The following VPS9D1 variants were observed in gnomAD, a reference collection of about 807,000 sequenced individuals.
The protein encoded by VPS9D1 is VPS9 domain-containing protein 1.
VPS9D1 carries 78 observed loss-of-function variants against 75.8 expected under a neutral mutation model. The ratio of observed to expected loss-of-function variants is 1.03; its 90% CI spans 0.86 to 1.24. The LOEUF (loss-of-function observed/expected upper bound fraction) is 1.24, where lower values mean the gene tolerates loss of function less well. VPS9D1 is among the 50% of genes most tolerant of loss of function. VPS9D1 has a pLI of 0.00. For synonymous variants in VPS9D1, 481 were observed against 385.6 expected (o/e 1.25, Z -2.90); for missense variants, 1,057 against 847.7 (o/e 1.25, Z -3.07).
chr16:89,714,621 C>G (rs1484806076), intron 4 of VPS9D1, among the ~76,000 whole-genome samples: 2 of 152,250 alleles, frequency 1.3e-5, no homozygotes, highest in African/African-American at 4.8e-5. Context: ...GTGGACCCTT[C>G]TCGTCTCTCC....
At chr16:89,719,298 G>A (rs1376651131) in intron 1 of VPS9D1, 196 bp from the exon 2 acceptor site, 14 of 648,834 alleles carry the variant, frequency 2.2e-5, no homozygotes, top group Admixed American at 4.1e-5. Flanking sequence ...AGGCAGCATC[G>A]CTGCTCTCCA....
Position 89,712,635 on chromosome 16 carries a change from G to A in VPS9D1, c.513C>T (p.Asp171=). ...ATGTCTTCTGCATGGCCTGGCTGGG[G>A]TCTAGCCGCGCCATTCGGGCCTCAT... ...AAYEARMARL[D]PSQAMQKTSL... is the part of the protein sequence containing the mutation. The change falls in exon 5 of 15, where the codon GAC becomes GAT. Residue 171 remains aspartate, a synonymous_variant. Coordinates refer to ENST00000389386, the MANE Select transcript of VPS9D1 (RefSeq NM_004913.3). 1.2e-6 allele frequency: 2 copies of A among 1,610,958 alleles called. No individual in the cohort carries two copies. The highest frequency in any genetic ancestry group is 1.7e-6 in the Non-Finnish European group (2 of 1,178,424).
rs773699966 is a variant in VPS9D1 at position 89,720,743 on chromosome 16, C to T, written c.99+20G>A. 6.3e-6 allele frequency: 9 copies of T among 1,432,508 alleles called. No homozygotes were observed. In the South Asian group the frequency reaches 9.8e-5, roughly 16 times the overall value. 88.7% of individuals were successfully genotyped at this position (1,432,508 alleles called of 1,614,324 possible). ...AGGGGCCACCCTCAGCGGCCAAGCC[C>T]CGCCCCCGCCCCGCCTCACCCGGGG... On this transcript the variant is annotated intron_variant, in intron 1 of 14. Transcript: ENST00000389386.
chr16:89,707,305 C>G lies in VPS9D1; in HGVS notation c.*556G>C, dbSNP rs2060818385. The G allele has an allele frequency of 6.5e-6, 1 of 153,576 alleles. No homozygotes were observed. Among genetic ancestry groups the G allele is most frequent in the South Asian group, 2.0e-4 (1 of 4,976 alleles). The allele number at this position is 153,576 out of a possible 1,614,324, so 9.5% of individuals were successfully genotyped here. A position where few individuals can be genotyped will look rare whatever the true frequency, so the allele number is the denominator to read the frequency against. On this transcript the variant is annotated 3_prime_UTR_variant, in exon 15 of 15. Transcript: ENST00000389386. ...AATGTCCTGGGCTCAGAGCCCGAGA[C>G]CCTGCAGGGGTGTCCCTGCCCATCA...
chr16:89,711,902 G>C lies in VPS9D1; in HGVS notation c.727C>G (p.Leu243Val). The change falls in exon 8 of 15, where the codon CTG becomes GTG. Residue 243 changes from leucine to valine, a missense_variant. Leu to Val is a conservative substitution (Grantham distance 32). Coordinates refer to ENST00000389386, the MANE Select transcript of VPS9D1 (RefSeq NM_004913.3). ...REQRALYAAI[L>V]EYEQDHDWPK... ...CGCACATGGTCCTGTTCGTACTCCA[G>C]GATGGCGGCGTAAAGGGCCCGCTGC... 6.4e-7 allele frequency: 1 copy of C among 1,551,342 alleles called. No individual in the cohort carries two copies. Among genetic ancestry groups the C allele is most frequent in the Non-Finnish European group, 8.7e-7 (1 of 1,147,040 alleles).
At chr16:89,708,800 C>T in intron 13 of VPS9D1, 57 bp downstream of exon 13, 2 of 1,479,910 alleles carry the variant, frequency 1.4e-6, no homozygotes, top group Non-Finnish European at 1.8e-6. Flanking sequence ...CCTCCCGTGA[C>T]CATTGCCTTT....
rs1423269144 is a variant in VPS9D1 at position 89,720,778 on chromosome 16, G to A, written c.84C>T (p.Thr28=). 19 of 1,455,292 alleles carry A rather than the reference G, an allele frequency of 1.3e-5. No homozygotes were observed. Among genetic ancestry groups the A allele is most frequent in the Non-Finnish European group, 1.7e-5 (19 of 1,100,260 alleles). 90.1% of individuals were successfully genotyped at this position (1,455,292 alleles called of 1,614,324 possible). ...KLANGAIELD[T]GNRPREAYTE... Reference sequence around the variant, plus strand: ...CCCGCCTCACCCGGGGCCGGTTGCCGGTGTCCAGCTCGATGGCCCCGTTGG... The same window carrying A: ...CCCGCCTCACCCGGGGCCGGTTGCCAGTGTCCAGCTCGATGGCCCCGTTGG... Residue 28 remains threonine (T), a synonymous_variant, in exon 1 of 15, where the codon ACC becomes ACT. Coordinates refer to ENST00000389386, the MANE Select transcript of VPS9D1 (RefSeq NM_004913.3).
chr16:89,718,719 CT>C (rs374301742), intron 2 of VPS9D1, among the ~76,000 whole-genome samples: 168 of 145,212 alleles, frequency 1.2e-3, no homozygotes, highest in Admixed American at 1.2e-3. Flanking sequence ...TTTTTCTTTT[CT>C]TTTTTTTTTT....
Position 89,707,936 on chromosome 16 carries a change from C to T in VPS9D1, c.1821G>A (p.Glu607=), listed in dbSNP as rs1255619567. The part of the protein sequence containing the change: ...FIHEGYLIGE[E]GYCLTSLQSA... Reference sequence around the variant, plus strand: ...TCTGCAGTGATGTGAGGCAGTAGCCCTCCTCTCCGATCAGGTACCTGCATG... The same window carrying T: ...TCTGCAGTGATGTGAGGCAGTAGCCTTCCTCTCCGATCAGGTACCTGCATG... Residue 607 remains glutamate, a synonymous_variant, in exon 15 of 15, where the codon GAG becomes GAA. Transcript: ENST00000389386. The T allele has an allele frequency of 1.9e-6, 3 of 1,613,018 alleles. No homozygotes were observed. Among genetic ancestry groups the T allele is most frequent in the Admixed American group, 1.7e-5 (1 of 60,014 alleles).
intron 1 of VPS9D1, 35 bp from the exon 2 acceptor site, chr16:89,719,137 C>T: frequency 1.2e-6 from 2 of 1,600,426 alleles, no homozygotes; most frequent in Non-Finnish European, 1.7e-6. Flanking sequence ...GGGGTCAGGC[C>T]AGTGGAGGGA....
In VPS9D1 at chr16:89,712,196, C is replaced by T. The variant is rs531742504; in HGVS notation, c.607-97G>A. ...GGAGAGGCCGGGACGTCCCAGGGAC[C>T]TCCTCTCGGTGAGGGGCTGTCCCCA... On this transcript the variant is annotated intron_variant, in intron 6 of 14. Transcript: ENST00000389386. The T allele has an allele frequency of 3.4e-4, 518 of 1,513,234 alleles. 1 individual carries two copies. The African/African-American group carries it at 6.5e-3, about 19-fold the overall frequency. 93.7% of individuals were successfully genotyped at this position (1,513,234 alleles called of 1,614,324 possible).
At chr16:89,710,339 A>C (rs1451254110) in intron 10 of VPS9D1, among the ~76,000 whole-genome samples, 1 of 152,066 alleles carries the variant, frequency 6.6e-6, no homozygotes, top group East Asian at 1.9e-4. Context: ...TAATCCCAGC[A>C]CTTTGGGAGG....
At chr16:89,715,527 T>G (rs1449306610) in intron 4 of VPS9D1, among the ~76,000 whole-genome samples, 2 of 139,720 alleles carry the variant, frequency 1.4e-5, no homozygotes. Context: ...CGCCCGGTCA[T>G]TTTTTTTTTT....
intron 4 of VPS9D1, 102 bp downstream of exon 4, chr16:89,716,350 AGTGAGACTCT>A: frequency 6.7e-7 from 1 of 1,493,158 alleles, no homozygotes; most frequent in Non-Finnish European, 9.1e-7. Context: ...TGGGTGACAG[AGTGAGACTCT>A]GTCTCAAAAA....
At chr16:89,714,798 G>A (rs2061023125) in intron 4 of VPS9D1, among the ~76,000 whole-genome samples, 3 of 151,586 alleles carry the variant, frequency 2.0e-5, no homozygotes, top group African/African-American at 2.4e-5. Flanking sequence ...GCAGTGGCAC[G>A]ATCTTGGCTC....
chr16:89,708,779 G>C (rs963593654), intron 13 of VPS9D1, 78 bp downstream of exon 13: 1 of 1,397,008 alleles, frequency 7.2e-7, no homozygotes, highest in African/African-American at 1.5e-5. Context: ...CTAAGGGGCA[G>C]GAAGATAGTC....
At chr16:89,717,870 C>G (rs754081606) in intron 2 of VPS9D1, 5 of 451,758 alleles carry the variant, frequency 1.1e-5, no homozygotes, top group South Asian at 3.1e-5. Flanking sequence ...GCCCCGACCT[C>G]TGTGATCCCA....
At chr16:89,716,967 C>G (rs1245489513) in intron 2 of VPS9D1, 145 bp from the exon 3 acceptor site, 37 of 638,580 alleles carry the variant, frequency 5.8e-5, no homozygotes, top group South Asian at 5.6e-4. Context: ...ACTGCCCCCC[C>G]ATCCCCTCAC....
intron 1 of VPS9D1, chr16:89,720,310 G>T: frequency 1.3e-6 from 1 of 771,560 alleles, no homozygotes; most frequent in Non-Finnish European, 1.6e-6. Flanking sequence ...CCTCCGGCCT[G>T]CTTTTCCTTC....
Sources: allele counts gnomAD v4.1 joint callset (sites outside exome capture counted in the v4.1 genomes callset), GRCh38; gene constraint gnomAD v4.1.1; transcripts MANE v1.5; gene names NCBI Gene and HGNC (gene_info 2026-07-23, HGNC 2026-07-21).